The following MROH2A variants were observed in gnomAD, a reference collection of about 807,000 sequenced individuals.
MROH2A encodes maestro heat-like repeat-containing protein family member 2A.
A neutral mutation model predicts 200.4 loss-of-function variants in MROH2A; 174 were observed. That is an observed-to-expected ratio of 0.87 (90% CI 0.77 to 0.98). The LOEUF (loss-of-function observed/expected upper bound fraction) is 0.98, where lower values mean the gene tolerates loss of function less well. MROH2A is among the 50% of genes least tolerant of loss of function. The probability of loss-of-function intolerance (pLI) is 0.00; values close to 1 mark genes in which losing one functional copy is unlikely to be tolerated. For synonymous variants in MROH2A, 829 were observed against 840.4 expected (o/e 0.99, Z 0.23); for missense variants, 2,045 against 2,139.6 (o/e 0.96, Z 0.87).
Position 233,828,319 on chromosome 2 carries a change from G to C in MROH2A, c.4114-311G>C, listed in dbSNP as rs915091220. Among the ~76,000 whole-genome samples, 1 of 152,210 alleles carries C rather than the reference G, an allele frequency of 6.6e-6. No homozygotes were observed. The highest frequency in any genetic ancestry group is 1.5e-5 in the Non-Finnish European group (1 of 68,044). On this transcript the variant is annotated intron_variant, in intron 35 of 41. Transcript: ENST00000389758. The surrounding 1 kb of genome is among the most constrained non-coding windows in gnomAD (Gnocchi z 4.6). ...CATGTTTTTTGTGCCTTTCTGTTCA[G>C]ATGCAGGTGGGCGTGGCTCTTGCAT... is the stretch of plus-strand genomic sequence containing the variant.
At chr2:233,816,450 A>T (rs1455930984) in intron 26 of MROH2A, among the ~76,000 whole-genome samples, 1 of 152,234 alleles carries the variant, frequency 6.6e-6, no homozygotes, top group Non-Finnish European at 1.5e-5. Context: ...TATCTATGGT[A>T]ATGTCATTTG....
rs1704578445 is a variant in MROH2A, at chr2:233,829,652, C to A, written c.4479C>A (p.Ile1493=). 1.4e-6 allele frequency: 2 copies of A among 1,472,442 alleles called. No individual in the cohort carries two copies. Among genetic ancestry groups the A allele is most frequent in the Admixed American group, 2.5e-5 (1 of 39,796 alleles). The allele number at this position is 1,472,442 out of a possible 1,614,324, so 91.2% of individuals were successfully genotyped here. A position where few individuals can be genotyped will look rare whatever the true frequency, so the allele number is the denominator to read the frequency against. Residue 1493 remains isoleucine, a synonymous_variant, in exon 38 of 42, where the codon ATC becomes ATA. Transcript: ENST00000389758. ...AGCTGCTGCGTCTGAAAGCCTTCAT[C>A]CTCTTTGGAAAGCTGGCAAGGGTGG... ...ESELLRLKAF[I]LFGKLARVVG...
At chr2:233,805,173 G>A in intron 19 of MROH2A, 62 bp downstream of exon 19, 4 of 1,098,498 alleles carry the variant, frequency 3.6e-6, no homozygotes, top group South Asian at 2.7e-5. Flanking sequence ...TGAGGGAGTG[G>A]AGAGGATAAC....
chr2:233,790,284 T>TTTCCTTCC (rs5839493), intron 5 of MROH2A, among the ~76,000 whole-genome samples: 1 of 145,118 alleles, frequency 6.9e-6, no homozygotes, highest in Non-Finnish European at 1.5e-5. Flanking sequence ...TCTTTTTTAA[T>TTTCCTTCC]TTCCTTCCTT....
At chr2:233,809,915 TC>T (rs869289283) in intron 22 of MROH2A, among the ~76,000 whole-genome samples, 4 of 79,620 alleles carry the variant, frequency 5.0e-5, no homozygotes, top group African/African-American at 1.9e-4. Flanking sequence ...CATTCCCTTC[TC>T]CTCCCAGCCC....
chr2:233,818,134 G>C lies in MROH2A; in HGVS notation c.3085+9G>C. 1 of 1,550,052 alleles carries C rather than the reference G, an allele frequency of 6.5e-7. No homozygotes were observed. Among genetic ancestry groups the C allele is most frequent in the East Asian group, 2.4e-5 (1 of 40,912 alleles). On this transcript the variant is annotated intron_variant, in intron 28 of 41. Transcript: ENST00000389758. ...CCTGCTAGATCTTCACGGTATGAGA[G>C]GGCAGGACATGAGGACCAGCTCCTC...
chr2:233,806,599 A>G (rs549863308), intron 19 of MROH2A, among the ~76,000 whole-genome samples: 1 of 152,280 alleles, frequency 6.6e-6, no homozygotes, highest in South Asian at 2.1e-4. Context: ...AGAATGTTCC[A>G]CTTCTCACTG....
At chr2:233,780,904 C>T (rs1500475) in intron 3 of MROH2A, among the ~76,000 whole-genome samples, 96,341 of 151,852 alleles carry the variant, frequency 0.63, 30,675 homozygotes, top group Middle Eastern at 0.73. Flanking sequence ...TTACCTTTCC[C>T]ATACCCTAAT....
In MROH2A at chr2:233,832,696, G is replaced by C. The variant is rs558285119; in HGVS notation, c.4903+52G>C. The C allele has an allele frequency of 1.1e-5, 15 of 1,331,470 alleles. No individual in the cohort carries two copies. The African/African-American group carries it at 1.9e-4, about 17-fold the overall frequency. The allele number at this position is 1,331,470 out of a possible 1,614,324, so 82.5% of individuals were successfully genotyped here. A position where few individuals can be genotyped will look rare whatever the true frequency, so the allele number is the denominator to read the frequency against. On this transcript the variant is annotated intron_variant, in intron 41 of 41. Transcript: ENST00000389758. The stretch of plus-strand genomic sequence containing the variant: ...GAGTCCACGACTCACCAACTCACTA[G>C]GGGAGCTTAGAGAAACTGCTTCAAG...
chr2:233,802,442 A>G (rs1575954307), intron 15 of MROH2A, 127 bp downstream of exon 15: 1 of 1,056,274 alleles, frequency 9.5e-7, no homozygotes, highest in East Asian at 2.6e-5. Context: ...TCCAAGTCCA[A>G]ATTAATACTA....
chr2:233,803,615 T>G, intron 16 of MROH2A, 127 bp downstream of exon 16: 1 of 980,654 alleles, frequency 1.0e-6, no homozygotes. Context: ...GGGAGTTTGA[T>G]GCTTGGCAGG....
rs909039835 is a variant in MROH2A, at chr2:233,823,100, T to C, written c.4004+82T>C. 4 of 1,457,258 alleles carry C rather than the reference T, an allele frequency of 2.7e-6. No homozygotes were observed. The African/African-American group carries it at 5.6e-5, about 20-fold the overall frequency. The allele number at this position is 1,457,258 out of a possible 1,614,324, so 90.3% of individuals were successfully genotyped here. On this transcript the variant is annotated intron_variant, in intron 34 of 41. Coordinates refer to ENST00000389758, the MANE Select transcript of MROH2A (RefSeq NM_001394639.1). ...GATGGAAGGGCTCCTTGTGAGGACA[T>C]GGTCCAGTCATGGCTGAAGGCCTTC... is the stretch of plus-strand genomic sequence containing the variant.
chr2:233,804,845 C>G lies in MROH2A; in HGVS notation c.1945-159C>G, dbSNP rs563113211. ...TCAGACCCACAGATCATTATTAGCA[C>G]TGGATCAGGGATCTATGGACTTAGT... On this transcript the variant is annotated intron_variant, in intron 18 of 41. Transcript: ENST00000389758. 2.6e-5 allele frequency among the ~76,000 whole-genome samples: 4 copies of G among 152,266 alleles called. No individual in the cohort carries two copies. The South Asian group carries it at 8.3e-4, about 32-fold the overall frequency.
Position 233,802,292 on chromosome 2 carries a change from G to A in MROH2A, c.1685G>A (p.Ser562Asn). The A allele has an allele frequency of 6.5e-7, 1 of 1,550,278 alleles. No individual in the cohort carries two copies. The highest frequency in any genetic ancestry group is 8.7e-7 in the Non-Finnish European group (1 of 1,146,746). ...CTCCATGGCCAGGATGTGGATGTCA[G>A]CGTGGCTGGCAAGAGCAGGCAAGGT... The part of the protein sequence containing the change: ...HQLHGQDVDV[S>N]VAGKSRQVDL... The change falls in exon 15 of 42, where the codon AGC (serine) becomes AAC (asparagine). Residue 562 changes from serine (S) to asparagine (N), a missense_variant. Physicochemically the swap from Ser to Asn is conservative, Grantham distance 46. Around this residue, in one of 3 missense-constraint regions of MROH2A, gnomAD observed 831 missense variants for 800.0 expected, o/e 1.04. Transcript: ENST00000389758.
chr2:233,795,104 C>T (rs1477717166), intron 8 of MROH2A, among the ~76,000 whole-genome samples: 1 of 152,178 alleles, frequency 6.6e-6, no homozygotes, highest in Non-Finnish European at 1.5e-5. Flanking sequence ...TCACAAAGAC[C>T]CTATTTCCAA....
intron 41 of MROH2A, 119 bp downstream of exon 41, chr2:233,832,763 T>TG: frequency 7.7e-6 from 3 of 389,306 alleles, no homozygotes; most frequent in Admixed American, 3.1e-5. Context: ...TTCGGGGGGG[T>TG]GGGAGTGCAA....
rs1703002507 is a variant in MROH2A, at chr2:233,809,297, T to TG, written c.2448+25dup. 3.2e-6 allele frequency: 5 copies of TG among 1,547,228 alleles called. No homozygotes were observed. The East Asian group carries it at 1.2e-4, about 38-fold the overall frequency. ...CTGCCAGGTAGCCCCATCTGCTGCC[T>TG]GGGGGGATGTCTTCTGGACCAGGCT... On this transcript the variant is annotated intron_variant, in intron 22 of 41. Coordinates refer to ENST00000389758, the MANE Select transcript of MROH2A (RefSeq NM_001394639.1).
chr2:233,822,935 G>A lies in MROH2A; in HGVS notation c.3921G>A (p.Leu1307=), dbSNP rs1704046448. The change falls in exon 34 of 42, where the codon CTG becomes CTA. Residue 1307 remains leucine (L), a synonymous_variant. Transcript: ENST00000389758. ...LLFKRVKSQH[L]AHTLDEQAVW... ...TCAAGAGAGTCAAGAGCCAGCACCT[G>A]GCACATACCCTGGACGAGCAGGCAG... The A allele has an allele frequency of 6.4e-7, 1 of 1,550,498 alleles. No individual in the cohort carries two copies. The highest frequency in any genetic ancestry group is 2.0e-5 in the Admixed American group (1 of 50,986).
Position 233,828,922 on chromosome 2 carries a change from G to C in MROH2A, c.4296G>C (p.Lys1432Asn), listed in dbSNP as rs1704519623. ...AGTACCGGAAGGTCTTGCTGGAGAAGTGCCTGGGCCCCCTGAGGGAGCCCG... is the reference window on the plus strand; with the variant it reads ...AGTACCGGAAGGTCTTGCTGGAGAACTGCCTGGGCCCCCTGAGGGAGCCCG... The part of the protein sequence containing the change: ...VKQYRKVLLE[K>N]CLGPLREPVS... Residue 1432 changes from lysine to asparagine, a missense_variant, in exon 37 of 42, where the codon AAG (lysine) becomes AAC (asparagine). Lys to Asn is a moderately conservative substitution (Grantham distance 94). Coordinates refer to ENST00000389758, the MANE Select transcript of MROH2A (RefSeq NM_001394639.1). This position sits in a 1 kb window ranked among gnomAD's most constrained non-coding sequence, Gnocchi z 4.6. 1 of 1,550,400 alleles carries C rather than the reference G, an allele frequency of 6.4e-7. No homozygotes were observed. The highest frequency in any genetic ancestry group is 8.7e-7 in the Non-Finnish European group (1 of 1,146,992).
Sources: allele counts gnomAD v4.1 joint callset (sites outside exome capture counted in the v4.1 genomes callset), GRCh38; gene constraint gnomAD v4.1.1; regional missense constraint gnomAD v4.1.1; non-coding constraint Gnocchi (gnomAD v3.1); transcripts MANE v1.5; gene names NCBI Gene and HGNC (gene_info 2026-07-23, HGNC 2026-07-21).